Variants in PRKCZ observed in about 807,000 individuals in gnomAD.
PRKCZ encodes protein kinase C zeta type.
In PRKCZ, 33 loss-of-function variants were observed where a neutral mutation model predicts 79.5. That is an observed-to-expected ratio of 0.41 (90% CI 0.31 to 0.55). The LOEUF is 0.55. Among genes scored for constraint, PRKCZ ranks in the 20% least tolerant of loss-of-function variants. The probability of loss-of-function intolerance (pLI) is 0.19; values close to 1 mark genes in which losing one functional copy is unlikely to be tolerated. For synonymous variants in PRKCZ, 342 were observed against 320.9 expected, an observed-to-expected ratio of 1.07 and a Z score of -0.70; for missense variants, 578 against 813.5, an observed-to-expected ratio of 0.71 and a Z score of 3.52.
intron 4 of PRKCZ, among the ~76,000 whole-genome samples, chr1:2,110,329 C>T (rs1350983229): frequency 2.0e-5 from 3 of 152,246 alleles, no homozygotes; most frequent in East Asian, 1.9e-4. Context: ...GGGCCCCGGG[C>T]GTGATCAGAG....
intron 4 of PRKCZ, chr1:2,133,625 C>T (rs1002276738): frequency 3.6e-4 from 55 of 152,836 alleles, no homozygotes; most frequent in Non-Finnish European, 2.6e-4. Context: ...CTCGGCTCCG[C>T]CCCCGGCTGT....
In PRKCZ at chr1:2,174,455, G is replaced by A. The variant is rs1337910945; in HGVS notation, c.1406-299G>A. Among the ~76,000 whole-genome samples, 6 of 152,250 alleles carry A rather than the reference G, an allele frequency of 3.9e-5. No homozygotes were observed. The East Asian group carries it at 7.7e-4, about 20-fold the overall frequency. On this transcript the variant is annotated intron_variant, in intron 14 of 17. Transcript: ENST00000378567. The surrounding 1 kb of genome is among the most constrained non-coding windows in gnomAD (Gnocchi z 6.2). ...GGGATCTGGGAACGCGGCTGTCTCC[G>A]CGGTGCCCTCTGGTGGCCAGCCTGC...
chr1:2,161,845 C>T (rs1168453614), intron 10 of PRKCZ, among the ~76,000 whole-genome samples: 1 of 152,050 alleles, frequency 6.6e-6, no homozygotes, highest in Non-Finnish European at 1.5e-5. Flanking sequence ...CTGGAGCCAC[C>T]TGGAGTCTCC....
intron 5 of PRKCZ, 65 bp from the exon 6 acceptor site, chr1:2,144,145 C>T: frequency 6.5e-7 from 1 of 1,530,042 alleles, no homozygotes; most frequent in South Asian, 1.2e-5. Flanking sequence ...TGTGGAAGGC[C>T]CTGCCTGTCC....
chr1:2,053,024 G>A (rs1239023151), intron 1 of PRKCZ, among the ~76,000 whole-genome samples: 1 of 152,096 alleles, frequency 6.6e-6, no homozygotes, highest in Non-Finnish European at 1.5e-5. Flanking sequence ...AGTCCCAGGT[G>A]GCCTGGGCCA....
intron 16 of PRKCZ, among the ~76,000 whole-genome samples, chr1:2,179,568 T>C (rs911292766): frequency 1.3e-5 from 2 of 152,254 alleles, no homozygotes; most frequent in African/African-American, 4.8e-5. Flanking sequence ...CACCACCTGC[T>C]GCCCAACCCC....
At chr1:2,160,238 CGTGT>C (rs56068331) in intron 10 of PRKCZ, among the ~76,000 whole-genome samples, 32,951 of 146,312 alleles carry the variant, frequency 0.23, 4,043 homozygotes, top group Admixed American at 0.32. Context: ...CAGCAGTGTG[CGTGT>C]GTGTGTGTGT....
chr1:2,116,148 G>A (rs1206055116), intron 4 of PRKCZ: 1 of 152,264 alleles, frequency 6.6e-6, no homozygotes, highest in Non-Finnish European at 1.5e-5. Flanking sequence ...TGCGCGCTGG[G>A]AAACTGAGAC....
At position 2,062,175 on chromosome 1, in the gene PRKCZ, G is replaced by T. The variant is rs535488833; in HGVS notation, c.334+2584G>T. On this transcript the variant is annotated intron_variant, in intron 4 of 17. Coordinates refer to ENST00000378567, the MANE Select transcript of PRKCZ (RefSeq NM_002744.6). ...TATAGATTTTTAAAAAAATTCTAAAGTATACTTACAACTATCATCTCTATG... is the reference window on the plus strand; with the variant it reads ...TATAGATTTTTAAAAAAATTCTAAATTATACTTACAACTATCATCTCTATG... 1.7e-3 allele frequency among the ~76,000 whole-genome samples: 258 copies of T among 152,284 alleles called. 1 individual carries two copies. Among genetic ancestry groups the T allele is most frequent in the African/African-American group, 5.3e-3 (222 of 41,540 alleles).
At chr1:2,153,096 C>T (rs995368451) in intron 9 of PRKCZ, among the ~76,000 whole-genome samples, 2 of 152,358 alleles carry the variant, frequency 1.3e-5, no homozygotes, top group African/African-American at 2.4e-5. Flanking sequence ...TTCACCTCCC[C>T]GCCAACACCA....
chr1:2,137,127 C>A (rs529947013), intron 5 of PRKCZ, among the ~76,000 whole-genome samples: 1 of 152,154 alleles, frequency 6.6e-6, no homozygotes, highest in Non-Finnish European at 1.5e-5. Context: ...CCAGAGCCCC[C>A]GGCAAACCAC....
At position 2,059,591 on chromosome 1, in the gene PRKCZ, A is replaced by G; in HGVS notation, c.334A>G (p.Lys112Glu). 1.7e-5 allele frequency: 27 copies of G among 1,614,162 alleles called. No individual in the cohort carries two copies. Among genetic ancestry groups the G allele is most frequent in the Non-Finnish European group, 2.3e-5 (27 of 1,179,964 alleles). ...TGGCCTGCCATGTCCGGGAGAAGACAGTGAGTACTGGGGTTTCCTACGCCG... is the reference window on the plus strand; with the variant it reads ...TGGCCTGCCATGTCCGGGAGAAGACGGTGAGTACTGGGGTTTCCTACGCCG... ...QPGLPCPGED[K>E]SIYRRGARRW... The change falls in exon 4 of 18, where the codon AAA becomes GAA. Residue 112 changes from lysine to glutamate, a missense_variant and splice_region_variant. Physicochemically the swap from Lys to Glu is moderately conservative, Grantham distance 56 (BLOSUM62 1). Coordinates refer to ENST00000378567, the MANE Select transcript of PRKCZ (RefSeq NM_002744.6).
intron 5 of PRKCZ, among the ~76,000 whole-genome samples, chr1:2,138,298 T>C (rs1676635770): frequency 6.6e-6 from 1 of 152,172 alleles, no homozygotes; most frequent in Non-Finnish European, 1.5e-5. Flanking sequence ...CCCAGCTCTT[T>C]CTGTGCACTT....
chr1:2,156,103 G>C lies in PRKCZ; in HGVS notation c.974+11G>C, dbSNP rs1420639804. On this transcript the variant is annotated intron_variant, in intron 10 of 17. Coordinates refer to ENST00000378567, the MANE Select transcript of PRKCZ (RefSeq NM_002744.6). ...CCAGACGACAAGTCGGTAAGAAAAA[G>C]AAGGGTATTTCTGATATTCTGCAGA... 4 of 1,601,074 alleles carry C rather than the reference G, an allele frequency of 2.5e-6. No homozygotes were observed. Among genetic ancestry groups the C allele is most frequent in the Non-Finnish European group, 2.6e-6 (3 of 1,168,680 alleles).
intron 10 of PRKCZ, among the ~76,000 whole-genome samples, chr1:2,162,817 C>G (rs1406376858): frequency 6.6e-6 from 1 of 152,204 alleles, no homozygotes; most frequent in African/African-American, 2.4e-5. Context: ...TTTTTCTTCT[C>G]TCAGAGCATC....
rs917448604 is a variant in PRKCZ at position 2,153,432 on chromosome 1, G to A, written c.876+2454G>A. On this transcript the variant is annotated intron_variant, in intron 9 of 17. Coordinates refer to ENST00000378567, the MANE Select transcript of PRKCZ (RefSeq NM_002744.6). ...GGTCCCTCCTCGCCAGCCATGCTCG[G>A]GGCTGGGAGGGCAGAGCTGGGGCTG... 3.3e-5 allele frequency among the ~76,000 whole-genome samples: 5 copies of A among 152,234 alleles called. No individual in the cohort carries two copies. In the South Asian group the frequency reaches 1.0e-3, roughly 31 times the overall value.
intron 4 of PRKCZ, among the ~76,000 whole-genome samples, chr1:2,077,051 A>G (rs1020120327): frequency 6.6e-6 from 1 of 152,136 alleles, no homozygotes; most frequent in African/African-American, 2.4e-5. Flanking sequence ...CCCCTGAGAG[A>G]GGATCAGAGT....
At chr1:2,053,044 G>A (rs975670856) in intron 1 of PRKCZ, among the ~76,000 whole-genome samples, 1 of 151,914 alleles carries the variant, frequency 6.6e-6, no homozygotes, top group African/African-American at 2.4e-5. Flanking sequence ...AGACTCCCAC[G>A]CTGAGTCTCA....
intron 4 of PRKCZ, chr1:2,074,222 C>T: frequency 6.4e-7 from 1 of 1,550,466 alleles, no homozygotes; most frequent in Non-Finnish European, 8.7e-7. Flanking sequence ...GTGGAGGGAC[C>T]TTCTGAGCGA....
Sources: allele counts gnomAD v4.1 joint callset (sites outside exome capture counted in the v4.1 genomes callset), GRCh38; gene constraint gnomAD v4.1.1; non-coding constraint Gnocchi (gnomAD v3.1); transcripts MANE v1.5; gene names NCBI Gene and HGNC (gene_info 2026-07-23, HGNC 2026-07-21).